Variants in ADAP1 observed in about 807,000 individuals in gnomAD.
ADAP1 encodes arf-GAP with dual PH domain-containing protein 1.
In ADAP1, 31 loss-of-function variants were observed where a neutral mutation model predicts 54.9. That is an observed-to-expected ratio of 0.56 (90% CI 0.42 to 0.76). The LOEUF (loss-of-function observed/expected upper bound fraction) is 0.76, where lower values mean the gene tolerates loss of function less well. Among genes scored for constraint, ADAP1 ranks in the 30% least tolerant of loss-of-function variants. The pLI is 0.00. For missense variants in ADAP1, 535 were observed against 512.4 expected (o/e 1.04, Z -0.42); for synonymous variants, 313 against 202.6 (o/e 1.55, Z -4.63).
intron 4 of ADAP1, among the ~76,000 whole-genome samples, chr7:914,166 C>A (rs560105166): frequency 2.6e-5 from 4 of 152,298 alleles, no homozygotes; most frequent in African/African-American, 4.8e-5. Context: ...TTCTTGGTTC[C>A]GGCTCATTCC....
At chr7:911,811 G>A (rs958153660) in intron 4 of ADAP1, among the ~76,000 whole-genome samples, 23 of 151,442 alleles carry the variant, frequency 1.5e-4, no homozygotes, top group African/African-American at 4.4e-4. Context: ...GGAAGGGGGC[G>A]GGGGACCCAC....
chr7:922,646 G>C (rs1390763646), intron 3 of ADAP1, among the ~76,000 whole-genome samples: 2 of 152,088 alleles, frequency 1.3e-5, no homozygotes, highest in Non-Finnish European at 2.9e-5. Context: ...ACCGCATGGA[G>C]TTCAGGACAC....
intron 3 of ADAP1, among the ~76,000 whole-genome samples, chr7:922,523 C>A (rs565144082): frequency 1.3e-5 from 2 of 152,296 alleles, no homozygotes; most frequent in East Asian, 3.9e-4. Context: ...TTCCCCAGGA[C>A]GGGTCCAGTG....
At chr7:951,092 C>T (rs532168896) in intron 1 of ADAP1, among the ~76,000 whole-genome samples, 2 of 151,026 alleles carry the variant, frequency 1.3e-5, no homozygotes, top group Admixed American at 6.6e-5. Flanking sequence ...TTAAAAAATC[C>T]GGCCAGGCGC....
intron 6 of ADAP1, 42 bp downstream of exon 6, chr7:904,084 C>T (rs539684769): frequency 1.2e-6 from 2 of 1,605,842 alleles, no homozygotes; most frequent in Non-Finnish European, 1.7e-6. Context: ...TGAGGGCCCA[C>T]CCTCCTGTGC....
At chr7:913,939 C>CA (rs945985123) in intron 4 of ADAP1, among the ~76,000 whole-genome samples, 2 of 152,014 alleles carry the variant, frequency 1.3e-5, no homozygotes, top group Admixed American at 1.3e-4. Context: ...AACAAACAAA[C>CA]AAAAAACTCC....
rs753057723 is a variant in ADAP1, at chr7:935,387, C to T, written c.201G>A (p.Glu67=). 5 of 1,560,236 alleles carry T rather than the reference C, an allele frequency of 3.2e-6. No homozygotes were observed. The South Asian group carries it at 4.7e-5, about 15-fold the overall frequency. The change falls in exon 2 of 11, where the codon GAG becomes GAA. Residue 67 remains glutamate (E), a synonymous_variant. Coordinates refer to ENST00000265846, the MANE Select transcript of ADAP1 (RefSeq NM_006869.4). The part of the protein sequence containing the change: ...VKSVRLDAWE[E]AQVEFMASHG... ...TCCCCCTCCGTACCTCCACTTGGGC[C>T]TCCTCCCAGGCGTCCAGGCGGACGG...
Position 899,190 on chromosome 7 carries a change from C to T in ADAP1, c.939G>A (p.Pro313=), listed in dbSNP as rs141725888. Reference sequence around the variant, plus strand: ...GCCAGTGGTGGCCCTGGGTGGACGGCGGGAACCCATGCAGCACCGTGTAGC... The same window carrying T: ...GCCAGTGGTGGCCCTGGGTGGACGGTGGGAACCCATGCAGCACCGTGTAGC... The part of the protein sequence containing the change: ...ESGYTVLHGF[P]PSTQGHHWPH... The change falls in exon 10 of 11, where the codon CCG becomes CCA. Residue 313 remains proline (P), a synonymous_variant. Coordinates refer to ENST00000265846, the MANE Select transcript of ADAP1 (RefSeq NM_006869.4). 375 of 1,612,358 alleles carry T rather than the reference C, an allele frequency of 2.3e-4. 1 individual carries two copies. In the South Asian group the frequency reaches 2.5e-3, roughly 11 times the overall value.
intron 6 of ADAP1, chr7:900,952 T>C: frequency 1.8e-6 from 1 of 547,860 alleles, no homozygotes; most frequent in Non-Finnish European, 3.6e-6. Flanking sequence ...GCCCTGGTGC[T>C]GCTGGGGCCT....
At chr7:914,692 G>T (rs1005927884) in intron 4 of ADAP1, among the ~76,000 whole-genome samples, 4 of 152,148 alleles carry the variant, frequency 2.6e-5, no homozygotes, top group Admixed American at 2.6e-4. Context: ...CTAGGTCTGT[G>T]GGAGAGGTGC....
At chr7:903,429 G>T (rs375344708) in intron 6 of ADAP1, among the ~76,000 whole-genome samples, 6 of 152,160 alleles carry the variant, frequency 3.9e-5, no homozygotes, top group African/African-American at 1.4e-4. Flanking sequence ...AATTCCCAAC[G>T]GGGGTTAGGA....
In ADAP1 at chr7:899,102, C is replaced by T. The variant is rs1162259618; in HGVS notation, c.1027G>A (p.Asp343Asn). ...KFLFACETES[D>N]QREWVAAFQK... ...AAGGCCGCCACCCACTCCCTCTGGTCGGACTCCGTCTCGCAGGCAAACAGA... is the reference window on the plus strand; with the variant it reads ...AAGGCCGCCACCCACTCCCTCTGGTTGGACTCCGTCTCGCAGGCAAACAGA... Residue 343 changes from aspartate (D) to asparagine (N), a missense_variant, in exon 10 of 11, where the codon GAC (aspartate) becomes AAC (asparagine). Transcript: ENST00000265846. 6.8e-6 allele frequency: 11 copies of T among 1,608,434 alleles called. No individual in the cohort carries two copies. Among genetic ancestry groups the T allele is most frequent in the Non-Finnish European group, 8.5e-6 (10 of 1,179,926 alleles).
Position 941,454 on chromosome 7 carries a change from C to T in ADAP1, c.83-5949G>A, listed in dbSNP as rs534312231. On this transcript the variant is annotated intron_variant, in intron 1 of 10. Coordinates refer to ENST00000265846, the MANE Select transcript of ADAP1 (RefSeq NM_006869.4). ...CAACTATGAGAACTAACAAGTTTAG[C>T]AAGGTTGAAGGATACAAGATAAATA... 3.7e-4 allele frequency among the ~76,000 whole-genome samples: 56 copies of T among 152,156 alleles called. 1 individual carries two copies. The South Asian group carries it at 9.3e-3, about 25-fold the overall frequency.
chr7:899,387 C>T (rs373427172), intron 9 of ADAP1, 32 bp downstream of exon 9: 1 of 1,611,244 alleles, frequency 6.2e-7, no homozygotes, highest in East Asian at 2.2e-5. Flanking sequence ...AGTGAGCTGC[C>T]CTCCCGTGCT....
intron 8 of ADAP1, among the ~76,000 whole-genome samples, 184 bp from the exon 9 acceptor site, chr7:899,674 C>G (rs898924756): frequency 5.9e-5 from 9 of 152,188 alleles, no homozygotes; most frequent in African/African-American, 1.9e-4. Context: ...AGCCTCCACA[C>G]GGCACCTCCC....
chr7:904,984 C>A, intron 5 of ADAP1, 76 bp downstream of exon 5: 1 of 1,323,236 alleles, frequency 7.6e-7, no homozygotes, highest in South Asian at 1.2e-5. Context: ...TGGACGCGGC[C>A]ACCACAGGCC....
At position 899,559 on chromosome 7, in the gene ADAP1, AC is replaced by A; in HGVS notation, c.796-70del. The A allele has an allele frequency of 1.2e-5, 19 of 1,542,706 alleles. No individual in the cohort carries two copies. In the South Asian group the frequency reaches 2.1e-4, roughly 17 times the overall value. ...GGCCCTACATCCAGCTGACCACAGC[AC>A]ACCCCGGAGGGCAGGGCCCAGACTG... On this transcript the variant is annotated intron_variant, in intron 8 of 10. Transcript: ENST00000265846.
intron 4 of ADAP1, among the ~76,000 whole-genome samples, chr7:914,748 G>T (rs1171237750): frequency 6.6e-6 from 1 of 152,166 alleles, no homozygotes; most frequent in Non-Finnish European, 1.5e-5. Context: ...GCATCTCACA[G>T]GGCCCTGGAA....
intron 1 of ADAP1, among the ~76,000 whole-genome samples, chr7:936,293 C>G (rs943728389): frequency 6.6e-6 from 1 of 152,118 alleles, no homozygotes; most frequent in Non-Finnish European, 1.5e-5. Flanking sequence ...CTCTGCCTCC[C>G]GGGTTCAAGC....
Sources: allele counts gnomAD v4.1 joint callset (sites outside exome capture counted in the v4.1 genomes callset), GRCh38; gene constraint gnomAD v4.1.1; transcripts MANE v1.5; gene names NCBI Gene and HGNC (gene_info 2026-07-23, HGNC 2026-07-21).